TMEM175: variants seen among roughly 807,000 people sequenced by gnomAD.
TMEM175 encodes endosomal/lysosomal proton channel TMEM175.
In TMEM175, 36 loss-of-function variants were observed where a neutral mutation model predicts 36.5. That is an observed-to-expected ratio of 0.99 (90% CI 0.76 to 1.30). TMEM175 has a LOEUF of 1.30. TMEM175 is among the 50% of genes most tolerant of loss of function. TMEM175 has a pLI of 0.00. For missense variants in TMEM175, 705 were observed against 692.8 expected (o/e 1.02, Z -0.20); for synonymous variants, 339 against 313.4 (o/e 1.08, Z -0.86).
At position 958,507 on chromosome 4, in the gene TMEM175, G is replaced by A. The variant is rs994052975; in HGVS notation, c.*11G>A. The stretch of plus-strand genomic sequence containing the variant: ...CCTGCCCCCTGCTAGCAGCCACAGA[G>A]CCCACTCCCAGCCGTCCTCACCAGA... On this transcript the variant is annotated 3_prime_UTR_variant, in exon 11 of 11. Transcript: ENST00000264771. 7 of 1,499,374 alleles carry A rather than the reference G, an allele frequency of 4.7e-6. No homozygotes were observed. Among genetic ancestry groups the A allele is most frequent in the African/African-American group, 1.4e-5 (1 of 72,626 alleles). 92.9% of individuals were successfully genotyped at this position (1,499,374 alleles called of 1,614,324 possible). A position where few individuals can be genotyped will look rare whatever the true frequency, so the allele number is the denominator to read the frequency against.
Position 953,256 on chromosome 4 carries a change from C to T in TMEM175, c.529C>T (p.His177Tyr). ...LLSPQIQRSA[H>Y]RALYRRHVLG... ...GAGCCCGCAGATCCAGCGCTCTGCC[C>T]ACAGGGCTCTGTACCGACGACACGT... Residue 177 changes from histidine (H) to tyrosine (Y), a missense_variant, in exon 8 of 11, where the codon CAC becomes TAC. Physicochemically the swap from His to Tyr is moderately conservative, Grantham distance 83. Transcript: ENST00000264771. 6.2e-7 allele frequency: 1 copy of T among 1,614,052 alleles called. No homozygotes were observed. Among genetic ancestry groups the T allele is most frequent in the Non-Finnish European group, 8.5e-7 (1 of 1,179,960 alleles).
chr4:945,171 A>ATT (rs1381589467), intron 1 of TMEM175, among the ~76,000 whole-genome samples: 16 of 152,310 alleles, frequency 1.1e-4, no homozygotes, highest in Admixed American at 5.2e-4. Context: ...TGGCAGTCCC[A>ATT]GTGAGACTGC....
rs1183567381 is a variant in TMEM175 at position 955,481 on chromosome 4, T to C, written c.704T>C (p.Leu235Pro). 1 of 1,613,878 alleles carries C rather than the reference T, an allele frequency of 6.2e-7. No individual in the cohort carries two copies. Among genetic ancestry groups the C allele is most frequent in the Non-Finnish European group, 8.5e-7 (1 of 1,179,876 alleles). The change falls in exon 9 of 11, where the codon CTG becomes CCG. Residue 235 changes from leucine (L) to proline (P), a missense_variant and splice_region_variant. Coordinates refer to ENST00000264771, the MANE Select transcript of TMEM175 (RefSeq NM_032326.4). ...KVTGWCRDRL[L>P]GHREPSAHPV... is the part of the protein sequence containing the mutation. ...ACCGGCTGGTGCAGAGACAGGCTCCTGGGTAGGTGATGACTGGGTGGGCTG... is the reference window on the plus strand; with the variant it reads ...ACCGGCTGGTGCAGAGACAGGCTCCCGGGTAGGTGATGACTGGGTGGGCTG...
At position 958,436 on chromosome 4, in the gene TMEM175, C is replaced by A. The variant is rs377577765; in HGVS notation, c.1455C>A (p.Pro485=). 1.6e-4 allele frequency: 251 copies of A among 1,589,710 alleles called. No individual in the cohort carries two copies. Among genetic ancestry groups the A allele is most frequent in the Non-Finnish European group, 2.0e-4 (231 of 1,174,288 alleles). ...GGGGCCTCGCCCGGCCCGAACACCC[C>A]CCGCCAGCCCCCACGGGCCAGGACG... ...VLRGLARPEH[P]PPAPTGQDDP... Residue 485 remains proline (P), a synonymous_variant, in exon 11 of 11, where the codon CCC becomes CCA. Coordinates refer to ENST00000264771, the MANE Select transcript of TMEM175 (RefSeq NM_032326.4).
At chr4:938,513 GA>G (rs61152833) in intron 1 of TMEM175, among the ~76,000 whole-genome samples, 3 of 150,304 alleles carry the variant, frequency 2.0e-5, no homozygotes, top group East Asian at 2.0e-4. Flanking sequence ...CCAAAAAAAA[GA>G]AAAAAAAATC....
At chr4:940,485 G>A (rs1435693401) in intron 1 of TMEM175, among the ~76,000 whole-genome samples, 8 of 151,780 alleles carry the variant, frequency 5.3e-5, no homozygotes, top group Admixed American at 5.3e-4. Context: ...GTTGCTAGGG[G>A]TTCAGGAAGA....
rs1355840156 is a variant in TMEM175, at chr4:932,706, TTC to T, written c.-32+171_-32+172del. 2.6e-5 allele frequency among the ~76,000 whole-genome samples: 4 copies of T among 152,254 alleles called. No homozygotes were observed. The highest frequency in any genetic ancestry group is 4.4e-5 in the Non-Finnish European group (3 of 68,040). On this transcript the variant is annotated intron_variant, in intron 1 of 10. Coordinates refer to ENST00000264771, the MANE Select transcript of TMEM175 (RefSeq NM_032326.4). The surrounding 1 kb of genome is among the most constrained non-coding windows in gnomAD (Gnocchi z 4.0). ...CGTTTGCGAATGGGTTCGCGAATTT[TTC>T]TCTCAGTTGGCTAAGGAGCAAGGAG... is the stretch of plus-strand genomic sequence containing the variant.
intron 1 of TMEM175, among the ~76,000 whole-genome samples, chr4:945,250 A>G (rs1010257516): frequency 1.6e-4 from 24 of 152,210 alleles, no homozygotes; most frequent in African/African-American, 5.5e-4. Flanking sequence ...GCTGAAACAC[A>G]CATGTCCGTT....
rs1361362091 is a variant in TMEM175 at position 932,606 on chromosome 4, C to T, written c.-32+66C>T. On this transcript the variant is annotated intron_variant, in intron 1 of 10. Transcript: ENST00000264771. This position sits in a 1 kb window ranked among gnomAD's most constrained non-coding sequence, Gnocchi z 4.0. ...ACATGGTCTGTTTTGTGGGAGGCTC[C>T]TTCTCAGGTGTCTCCGGTTTAAGCG... 2 of 383,432 alleles carry T rather than the reference C, an allele frequency of 5.2e-6. No homozygotes were observed. The highest frequency in any genetic ancestry group is 9.2e-6 in the Non-Finnish European group (2 of 216,518). 23.8% of individuals were successfully genotyped at this position (383,432 alleles called of 1,614,324 possible).
chr4:952,463 G>A lies in TMEM175; in HGVS notation c.462+13G>A. 6.3e-7 allele frequency: 1 copy of A among 1,576,610 alleles called. No homozygotes were observed. The highest frequency in any genetic ancestry group is 1.1e-5 in the South Asian group (1 of 88,198). ...TGGGGTCGTGCAGGTAGGGGGCCTG[G>A]GGGGCCTGCACTGTGTGTGTGTGTG... On this transcript the variant is annotated intron_variant, in intron 7 of 10. Transcript: ENST00000264771.
chr4:952,834 C>T (rs544288091), intron 7 of TMEM175, among the ~76,000 whole-genome samples: 3 of 151,586 alleles, frequency 2.0e-5, no homozygotes, highest in Non-Finnish European at 2.9e-5. Context: ...AGGTAGGGTT[C>T]CTGAGGCCAC....
intron 1 of TMEM175, among the ~76,000 whole-genome samples, chr4:935,280 T>G (rs867628107): frequency 5.9e-5 from 9 of 152,230 alleles, no homozygotes; most frequent in African/African-American, 9.6e-5. Context: ...AACCCAAATA[T>G]CTATCTCCAT....
chr4:940,850 A>G (rs1727357017), intron 1 of TMEM175, among the ~76,000 whole-genome samples: 1 of 151,486 alleles, frequency 6.6e-6, no homozygotes, highest in Admixed American at 6.6e-5. Flanking sequence ...TACTAAAAAT[A>G]CAAAAATTAG....
Position 957,857 on chromosome 4 carries a change from G to C in TMEM175, c.876G>C (p.Lys292Asn), listed in dbSNP as rs536166698. The change falls in exon 11 of 11, where the codon AAG (lysine) becomes AAC (asparagine). Residue 292 changes from lysine (K) to asparagine (N), a missense_variant. Transcript: ENST00000264771. ...EDNVPDPKDV[K>N]ERFSGSLVAA... Reference sequence around the variant, plus strand: ...ACGTCCCGGACCCCAAGGATGTGAAGGAGAGGTTCAGCGGCAGCCTCGTGG... The same window carrying C: ...ACGTCCCGGACCCCAAGGATGTGAACGAGAGGTTCAGCGGCAGCCTCGTGG... 1.1e-5 allele frequency: 17 copies of C among 1,612,302 alleles called. No individual in the cohort carries two copies. Among genetic ancestry groups the C allele is most frequent in the Non-Finnish European group, 4.2e-6 (5 of 1,179,668 alleles).
chr4:956,833 G>A (rs1328388012), intron 10 of TMEM175: 9 of 235,464 alleles, frequency 3.8e-5, no homozygotes, highest in African/African-American at 1.6e-4. Context: ...GACCACCTTG[G>A]GGTTAGACAC....
rs535524481 is a variant in TMEM175, at chr4:932,710, C to T, written c.-32+170C>T. Among the ~76,000 whole-genome samples, 1 of 152,384 alleles carries T rather than the reference C, an allele frequency of 6.6e-6. No homozygotes were observed. The highest frequency in any genetic ancestry group is 1.5e-5 in the Non-Finnish European group (1 of 68,034). ...TGCGAATGGGTTCGCGAATTTTTCT[C>T]TCAGTTGGCTAAGGAGCAAGGAGTT... On this transcript the variant is annotated intron_variant, in intron 1 of 10. Transcript: ENST00000264771. This position sits in a 1 kb window ranked among gnomAD's most constrained non-coding sequence, Gnocchi z 4.0.
chr4:933,787 A>G (rs1186525748), intron 1 of TMEM175, among the ~76,000 whole-genome samples: 3 of 152,276 alleles, frequency 2.0e-5, no homozygotes, highest in African/African-American at 7.2e-5. Context: ...AACATCTGTT[A>G]TCTTTATCAT....
Position 950,455 on chromosome 4 carries a change from C to T in TMEM175, c.227C>T (p.Thr76Ile). 1.9e-6 allele frequency: 3 copies of T among 1,614,118 alleles called. No individual in the cohort carries two copies. The highest frequency in any genetic ancestry group is 2.5e-6 in the Non-Finnish European group (3 of 1,179,984). ...AGAAGTGTACAGAGGCTTCTGGCAA[C>T]ACGGATTGCCGTCTACCTGATGACC... is the stretch of plus-strand genomic sequence containing the variant. Reference protein sequence around the residue: ...FDRSVQRLLATRIAVYLMTFL... With the variant: ...FDRSVQRLLAIRIAVYLMTFL... Residue 76 changes from threonine to isoleucine, a missense_variant, in exon 4 of 11, where the codon ACA (threonine) becomes ATA (isoleucine). By Grantham distance (89) the Thr-to-Ile change is moderately conservative. Transcript: ENST00000264771.
At position 950,530 on chromosome 4, in the gene TMEM175, G is replaced by A. The variant is rs747594072; in HGVS notation, c.290+12G>A. The A allele has an allele frequency of 2.5e-6, 4 of 1,608,310 alleles. No individual in the cohort carries two copies. The South Asian group carries it at 4.4e-5, about 18-fold the overall frequency. On this transcript the variant is annotated intron_variant, in intron 4 of 10. Coordinates refer to ENST00000264771, the MANE Select transcript of TMEM175 (RefSeq NM_032326.4). ...GCAGCACACACAAGGTGGGGGCCCGGGCGCTTCCAGCGGTCCATAGCTGCT... is the reference window on the plus strand; with the variant it reads ...GCAGCACACACAAGGTGGGGGCCCGAGCGCTTCCAGCGGTCCATAGCTGCT...
Sources: gnomAD v4.1 joint callset for allele counts (sites outside exome capture counted in the v4.1 genomes callset) on GRCh38, gnomAD v4.1.1 for gene constraint, Gnocchi (gnomAD v3.1) non-coding constraint, MANE v1.5 for transcripts, NCBI Gene and HGNC (gene_info 2026-07-23, HGNC 2026-07-21) for gene names.